VPS13D: variants seen among roughly 807,000 people sequenced by gnomAD.
VPS13D encodes the protein intermembrane lipid transfer protein VPS13D.
VPS13D carries 187 observed loss-of-function variants against 461.9 expected under a neutral mutation model. The ratio of observed to expected loss-of-function variants is 0.40; its 90% confidence interval spans 0.36 to 0.46. The LOEUF is 0.46. Ranked by LOEUF, VPS13D falls within the 20% of genes least tolerant of loss-of-function variation. The pLI is 0.60. For synonymous variants in VPS13D, 1,951 were observed against 1,986.3 expected, an observed-to-expected ratio of 0.98 and a Z score of 0.47; for missense variants, 4,711 against 5,364.9, an observed-to-expected ratio of 0.88 and a Z score of 3.81.
At position 12,369,521 on chromosome 1, in the gene VPS13D, G is replaced by T; in HGVS notation, c.10627G>T (p.Val3543Leu). 1 of 1,614,180 alleles carries T rather than the reference G, an allele frequency of 6.2e-7. No individual in the cohort carries two copies. The highest frequency in any genetic ancestry group is 8.5e-7 in the Non-Finnish European group (1 of 1,180,032). Residue 3543 changes from valine to leucine, a missense_variant, in exon 54 of 70, where the codon GTG becomes TTG. Coordinates refer to ENST00000620676, the MANE Select transcript of VPS13D (RefSeq NM_015378.4). Reference protein sequence around the residue: ...GVAEPRLRTEVKPMTSLDYAW... With the variant: ...GVAEPRLRTELKPMTSLDYAW... Reference sequence around the variant, plus strand: ...AGCTGAACCCAGGCTCCGGACTGAAGTGAAGCCCATGACTTCATTGGATTA... The same window carrying T: ...AGCTGAACCCAGGCTCCGGACTGAATTGAAGCCCATGACTTCATTGGATTA...
chr1:12,420,311 T>G (rs1481966026), intron 65 of VPS13D, among the ~76,000 whole-genome samples: 1 of 152,182 alleles, frequency 6.6e-6, no homozygotes, highest in Non-Finnish European at 1.5e-5. Context: ...TTTTATTTGT[T>G]TCTCTGTGTA....
rs1448987736 is a variant in VPS13D, at chr1:12,299,874, CT to C, written c.6216+493del. Among the ~76,000 whole-genome samples the C allele has an allele frequency of 6.8e-6, 1 of 146,880 alleles. No homozygotes were observed. Among genetic ancestry groups the C allele is most frequent in the African/African-American group, 2.5e-5 (1 of 39,978 alleles). On this transcript the variant is annotated intron_variant, in intron 25 of 69. Coordinates refer to ENST00000620676, the MANE Select transcript of VPS13D (RefSeq NM_015378.4). This position sits in a 1 kb window ranked among gnomAD's most constrained non-coding sequence, Gnocchi z 4.2. ...ATAATAACATCTGTACAGTATATTG[CT>C]TTACAGTTTTAAATTACTGTGGCAC...
In VPS13D at chr1:12,316,900, A is replaced by G. The variant is rs560933657; in HGVS notation, c.7149-1172A>G. The stretch of plus-strand genomic sequence containing the variant: ...CTGCTGATGTACTAATAGGGCCTGG[A>G]TGAAGCCCCTGACTGCATCATGGTT... On this transcript the variant is annotated intron_variant, in intron 30 of 69. Coordinates refer to ENST00000620676, the MANE Select transcript of VPS13D (RefSeq NM_015378.4). 2.0e-5 allele frequency among the ~76,000 whole-genome samples: 3 copies of G among 152,212 alleles called. No individual in the cohort carries two copies. The East Asian group carries it at 5.8e-4, about 29-fold the overall frequency.
At chr1:12,464,307 A>T (rs1480986158) in intron 67 of VPS13D, among the ~76,000 whole-genome samples, 1 of 152,234 alleles carries the variant, frequency 6.6e-6, no homozygotes, top group Admixed American at 6.5e-5. Context: ...CCAAGCCAGG[A>T]ATAGAACCCA....
In VPS13D at chr1:12,293,696, G is replaced by C. The variant is rs1349524748; in HGVS notation, c.6025G>C (p.Gly2009Arg). Residue 2009 changes from glycine (G) to arginine (R), a missense_variant, in exon 24 of 70, where the codon GGG (glycine) becomes CGG (arginine). By Grantham distance (125) the Gly-to-Arg change is moderately radical. This residue lies in a region of VPS13D where 4,411 missense variants were observed against 4,937.8 expected (regional missense o/e 0.89). Coordinates refer to ENST00000620676, the MANE Select transcript of VPS13D (RefSeq NM_015378.4). ...VLGRQRAAIE[G>R]QTVRDQAQRC... ...AGGGCGCCAGCGAGCTGCTATTGAG[G>C]GGCAGACGGTAGGTAGCCTGGGCCC... 1 of 1,613,482 alleles carries C rather than the reference G, an allele frequency of 6.2e-7. No homozygotes were observed. The highest frequency in any genetic ancestry group is 1.1e-5 in the South Asian group (1 of 90,944).
intron 16 of VPS13D, among the ~76,000 whole-genome samples, chr1:12,270,784 C>T (rs894540424): frequency 1.5e-4 from 23 of 152,156 alleles, no homozygotes; most frequent in South Asian, 4.2e-4. Context: ...GGCGTGATCA[C>T]GGCTCACTGC....
chr1:12,232,586 T>A (rs1321442808), intron 1 of VPS13D, among the ~76,000 whole-genome samples: 2 of 152,002 alleles, frequency 1.3e-5, no homozygotes, highest in African/African-American at 4.8e-5. Flanking sequence ...CCAGTTAAAC[T>A]TTTGTGTCTC....
intron 47 of VPS13D, among the ~76,000 whole-genome samples, chr1:12,354,869 C>T (rs1643872805): frequency 6.6e-6 from 1 of 152,118 alleles, no homozygotes. Context: ...AAGTAATTTT[C>T]AGTTGTAAGG....
Position 12,363,217 on chromosome 1 carries a change from A to G in VPS13D, c.10418A>G (p.Asn3473Ser), listed in dbSNP as rs202189789. Residue 3473 changes from asparagine (N) to serine (S), a missense_variant, in exon 52 of 70, where the codon AAC (asparagine) becomes AGC (serine). Around this residue, in one of 3 missense-constraint regions of VPS13D, gnomAD observed 4,411 missense variants for 4,937.8 expected, o/e 0.89. Coordinates refer to ENST00000620676, the MANE Select transcript of VPS13D (RefSeq NM_015378.4). ...ATTTGGTCTGGAGGCTTTGAAGTCA[A>G]CAAGAATAATTCCTTCCATATCAAC... ...NCIWSGGFEV[N>S]KNNSFHINMR... 3.2e-4 allele frequency: 522 copies of G among 1,614,090 alleles called. 2 individuals are homozygous for G. The highest frequency in any genetic ancestry group is 1.5e-3 in the Admixed American group (88 of 60,002).
chr1:12,474,007 T>A (rs1265105903), intron 67 of VPS13D, among the ~76,000 whole-genome samples: 1 of 152,102 alleles, frequency 6.6e-6, no homozygotes, highest in East Asian at 1.9e-4. Context: ...ATTGTTAGTG[T>A]CTGCTGTAAA....
Position 12,322,618 on chromosome 1 carries a change from A to G in VPS13D, c.7787A>G (p.Gln2596Arg). The change falls in exon 34 of 70, where the codon CAA (glutamine) becomes CGA (arginine). Residue 2596 changes from glutamine to arginine, a missense_variant. Transcript: ENST00000620676. ...GCCATTGCAAAATCCATCCCAGAGC[A>G]AGCTAATGCTGCAGTGCCAGACTCA... ...FLAIAKSIPE[Q>R]ANAAVPDSVA... 6.2e-7 allele frequency: 1 copy of G among 1,614,238 alleles called. No homozygotes were observed. The highest frequency in any genetic ancestry group is 8.5e-7 in the Non-Finnish European group (1 of 1,180,036).
chr1:12,472,568 A>G (rs1645577934), intron 67 of VPS13D, among the ~76,000 whole-genome samples: 1 of 152,162 alleles, frequency 6.6e-6, no homozygotes, highest in African/African-American at 2.4e-5. Context: ...TTTCAGCGCC[A>G]CGTGTCCATC....
chr1:12,401,682 T>C lies in VPS13D; in HGVS notation c.11859T>C (p.Phe3953=), dbSNP rs1327089454. The C allele has an allele frequency of 6.2e-7, 1 of 1,613,506 alleles. No individual in the cohort carries two copies. The highest frequency in any genetic ancestry group is 1.7e-5 in the Admixed American group (1 of 60,024). The part of the protein sequence containing the change: ...EKLLLKLLSF[F]GYDQAESEVE... ...TGCTCCTCAAGCTGCTAAGTTTCTT[T>C]GGCTACGATCAAGCAGAATCAGGTA... The change falls in exon 62 of 70, where the codon TTT becomes TTC. Residue 3953 remains phenylalanine, a synonymous_variant. Coordinates refer to ENST00000620676, the MANE Select transcript of VPS13D (RefSeq NM_015378.4).
At position 12,368,607 on chromosome 1, in the gene VPS13D, G is replaced by C; in HGVS notation, c.10572+16G>C. On this transcript the variant is annotated intron_variant, in intron 53 of 69. Coordinates refer to ENST00000620676, the MANE Select transcript of VPS13D (RefSeq NM_015378.4). ...CTTTTCTAAGGTATCAAGTGGAGCT[G>C]AGAGCCAGTTTGACTGTTTCATGTG... 1 of 1,608,478 alleles carries C rather than the reference G, an allele frequency of 6.2e-7. No individual in the cohort carries two copies.
At chr1:12,269,648 C>T (rs952520473) in intron 16 of VPS13D, among the ~76,000 whole-genome samples, 18 of 152,116 alleles carry the variant, frequency 1.2e-4, no homozygotes, top group African/African-American at 3.4e-4. Context: ...TTTATGCCTC[C>T]GTTTGTTCTC....
chr1:12,433,919 AGAGAGAGAGAGT>A (rs531641126), intron 65 of VPS13D, among the ~76,000 whole-genome samples: 1 of 148,610 alleles, frequency 6.7e-6, no homozygotes, highest in Non-Finnish European at 1.5e-5. Flanking sequence ...GGGGGTGGGG[AGAGAGAGAGAGT>A]GAGAGAGAGA....
At chr1:12,372,411 G>T (rs1372842006) in intron 54 of VPS13D, among the ~76,000 whole-genome samples, 1 of 152,070 alleles carries the variant, frequency 6.6e-6, no homozygotes. Flanking sequence ...ATCCTACTGG[G>T]TATGATGTGG....
At position 12,327,652 on chromosome 1, in the gene VPS13D, A is replaced by G. The variant is rs777050663; in HGVS notation, c.7995A>G (p.Gln2665=). 1.2e-5 allele frequency: 19 copies of G among 1,613,882 alleles called. No homozygotes were observed. The highest frequency in any genetic ancestry group is 2.7e-5 in the African/African-American group (2 of 74,890). The change falls in exon 36 of 70, where the codon CAA becomes CAG. Residue 2665 remains glutamine (Q), a synonymous_variant. Coordinates refer to ENST00000620676, the MANE Select transcript of VPS13D (RefSeq NM_015378.4). ...CACTTCTTAATTTCTTTGAAGGCCA[A>G]TTGAAAAAGGCAGCAAGTTGGTTGT... ...CRKALLACQG[Q]LKKAASWLFK... is the part of the protein sequence containing the mutation.
chr1:12,382,791 C>T (rs1196407646), intron 57 of VPS13D, among the ~76,000 whole-genome samples, 185 bp from the exon 58 acceptor site: 2 of 152,168 alleles, frequency 1.3e-5, no homozygotes, highest in African/African-American at 2.4e-5. Context: ...TTTCATCTTA[C>T]TGAAGTAATT....
Sources: gnomAD v4.1 joint callset for allele counts (sites outside exome capture counted in the v4.1 genomes callset) on GRCh38, gnomAD v4.1.1 for gene constraint, gnomAD v4.1.1 regional missense constraint, Gnocchi (gnomAD v3.1) non-coding constraint, MANE v1.5 for transcripts, NCBI Gene and HGNC (gene_info 2026-07-23, HGNC 2026-07-21) for gene names.